Variants in GNAQ observed in about 807,000 individuals in gnomAD.
GNAQ encodes guanine nucleotide-binding protein G(q) subunit alpha.
In GNAQ, 8 loss-of-function variants were observed where a neutral mutation model predicts 43.9. The observed-to-expected ratio is 0.18, with a 90% CI of 0.11 to 0.33. The LOEUF is 0.33. GNAQ is among the 10% of genes least tolerant of loss of function. The pLI, the probability that GNAQ is intolerant of heterozygous loss-of-function variation, is 1.00. For synonymous variants in GNAQ, 155 were observed against 170.7 expected, an observed-to-expected ratio of 0.91 and a Z score of 0.71; for missense variants, 158 against 450.8, an observed-to-expected ratio of 0.35 and a Z score of 5.88.
At chr9:77,796,504 T>C (rs17724706) in intron 4 of GNAQ, among the ~76,000 whole-genome samples, 19,371 of 152,180 alleles carry the variant, frequency 0.13, 1,286 homozygotes, top group East Asian at 0.26. Context: ...TAATAAGAGA[T>C]TGAATGAAAG....
At chr9:77,977,658 G>A (rs1415029582) in intron 1 of GNAQ, among the ~76,000 whole-genome samples, 1 of 152,216 alleles carries the variant, frequency 6.6e-6, no homozygotes, top group East Asian at 1.9e-4. Flanking sequence ...AAGAAGCGGG[G>A]TTCTGCAACC....
At chr9:77,995,949 A>T (rs558353960) in intron 1 of GNAQ, among the ~76,000 whole-genome samples, 54 of 152,368 alleles carry the variant, frequency 3.5e-4, no homozygotes, top group Admixed American at 1.4e-3. Context: ...ACACAAAGCC[A>T]AGTCTTTGCC....
intron 5 of GNAQ, among the ~76,000 whole-genome samples, chr9:77,750,599 A>G (rs1324061199): frequency 1.3e-5 from 2 of 152,086 alleles, no homozygotes; most frequent in Non-Finnish European, 2.9e-5. Flanking sequence ...ATATGCTTAC[A>G]TATTTTTTGT....
intron 2 of GNAQ, among the ~76,000 whole-genome samples, chr9:77,879,507 C>T (rs1459593187): frequency 6.6e-6 from 1 of 152,164 alleles, no homozygotes; most frequent in Non-Finnish European, 1.5e-5. Context: ...ACCTTGGCTT[C>T]CCAAAGTGCT....
chr9:77,731,654 A>C (rs1482352392), intron 5 of GNAQ, among the ~76,000 whole-genome samples: 1 of 152,200 alleles, frequency 6.6e-6, no homozygotes, highest in African/African-American at 2.4e-5. Context: ...AACTTTGTGA[A>C]GCACTGTTAG....
At chr9:77,820,667 T>C (rs1827098868) in intron 2 of GNAQ, among the ~76,000 whole-genome samples, 1 of 152,196 alleles carries the variant, frequency 6.6e-6, no homozygotes, top group Non-Finnish European at 1.5e-5. Flanking sequence ...ATGTCCTTCT[T>C]AAACTTGGCA....
chr9:77,993,354 T>C (rs1161684087), intron 1 of GNAQ, among the ~76,000 whole-genome samples: 1 of 152,174 alleles, frequency 6.6e-6, no homozygotes, highest in Non-Finnish European at 1.5e-5. Context: ...AAATGGAATA[T>C]AAACACATTG....
chr9:78,027,739 A>C (rs1432438211), intron 1 of GNAQ, among the ~76,000 whole-genome samples: 2 of 132,174 alleles, frequency 1.5e-5, no homozygotes, highest in Non-Finnish European at 3.2e-5. Flanking sequence ...CAACAAGAGC[A>C]AAACTCCATC....
intron 1 of GNAQ, among the ~76,000 whole-genome samples, chr9:77,937,055 C>T (rs1829242507): frequency 1.3e-5 from 2 of 152,078 alleles, no homozygotes; most frequent in Admixed American, 1.3e-4. Context: ...ATAACAGGTG[C>T]CACAGGAATT....
chr9:77,751,537 GTTAGCCTAGA>G (rs1319984348), intron 5 of GNAQ, among the ~76,000 whole-genome samples: 2 of 152,180 alleles, frequency 1.3e-5, no homozygotes, highest in Non-Finnish European at 2.9e-5. Context: ...AATAAGTGCG[GTTAGCCTAGA>G]AGCGGACAGA....
chr9:77,825,563 T>C (rs1313296127), intron 2 of GNAQ, among the ~76,000 whole-genome samples: 2 of 152,162 alleles, frequency 1.3e-5, no homozygotes, highest in Non-Finnish European at 2.9e-5. Context: ...GCTTACTCCA[T>C]ATTAGCAGGA....
chr9:77,772,238 T>C (rs1048406325), intron 5 of GNAQ, among the ~76,000 whole-genome samples: 3 of 152,208 alleles, frequency 2.0e-5, no homozygotes, highest in African/African-American at 7.2e-5. Flanking sequence ...TCCTTTAACA[T>C]TTTCTATTCA....
intron 1 of GNAQ, among the ~76,000 whole-genome samples, chr9:77,966,016 A>C (rs570504478): frequency 6.6e-6 from 1 of 152,272 alleles, no homozygotes; most frequent in South Asian, 2.1e-4. Context: ...GGAGCGAACT[A>C]TTGACACACA....
chr9:77,755,032 T>C (rs1825877654), intron 5 of GNAQ, among the ~76,000 whole-genome samples: 1 of 152,152 alleles, frequency 6.6e-6, no homozygotes, highest in African/African-American at 2.4e-5. Flanking sequence ...ATATACACAA[T>C]GGAGTACTAC....
chr9:77,728,426 G>C (rs1825433571), intron 6 of GNAQ, 88 bp downstream of exon 6: 1 of 872,838 alleles, frequency 1.1e-6, no homozygotes, highest in African/African-American at 1.7e-5. Flanking sequence ...GGCAGCAATG[G>C]TGCACTGTAG....
At chr9:77,982,959 A>T (rs1482085610) in intron 1 of GNAQ, among the ~76,000 whole-genome samples, 2 of 152,206 alleles carry the variant, frequency 1.3e-5, no homozygotes, top group African/African-American at 2.4e-5. Context: ...ATAAAAAAAT[A>T]AAAAAGTCAA....
chr9:77,756,376 G>C (rs1825904028), intron 5 of GNAQ, among the ~76,000 whole-genome samples: 1 of 152,204 alleles, frequency 6.6e-6, no homozygotes, highest in Non-Finnish European at 1.5e-5. Flanking sequence ...TGAAAGTCTG[G>C]TCTGCCCCTA....
At chr9:77,892,433 G>C (rs1828421249) in intron 2 of GNAQ, among the ~76,000 whole-genome samples, 1 of 152,128 alleles carries the variant, frequency 6.6e-6, no homozygotes. Flanking sequence ...ATTTCTCATA[G>C]GTTCAATACT....
chr9:77,910,153 A>G (rs1828776643), intron 2 of GNAQ, among the ~76,000 whole-genome samples: 1 of 152,188 alleles, frequency 6.6e-6, no homozygotes, highest in Admixed American at 6.5e-5. Flanking sequence ...TGCTTTGCTA[A>G]ATATTAAGTA....
Sources: gnomAD v4.1 joint callset for allele counts (sites outside exome capture counted in the v4.1 genomes callset) on GRCh38, gnomAD v4.1.1 for gene constraint, MANE v1.5 for transcripts, NCBI Gene and HGNC (gene_info 2026-07-23, HGNC 2026-07-21) for gene names.